Variants in RPL28 observed in about 807,000 individuals in gnomAD.
RPL28 encodes ribosomal protein L28, also known as large ribosomal subunit protein eL28.
Under a neutral mutation model 12.5 loss-of-function variants are expected in RPL28, and 4 were observed. That is an observed-to-expected ratio of 0.32 (90% CI 0.16 to 0.73). The LOEUF (loss-of-function observed/expected upper bound fraction) is 0.73, where lower values mean the gene tolerates loss of function less well. RPL28 is among the 30% of genes least tolerant of loss of function. The probability of loss-of-function intolerance (pLI) is 0.66; values close to 1 mark genes in which losing one functional copy is unlikely to be tolerated. For synonymous variants in RPL28, 91 were observed against 72.5 expected, an observed-to-expected ratio of 1.26 and a Z score of -1.30; for missense variants, 214 against 197.7, an observed-to-expected ratio of 1.08 and a Z score of -0.49.
intron 3 of RPL28, chr19:55,387,071 C>T (rs1028457596): frequency 1.4e-6 from 2 of 1,422,728 alleles, no homozygotes; most frequent in African/African-American, 1.4e-5. Flanking sequence ...CGCTACCACA[C>T]TTAGGAGGGG....
rs2090055321 is a variant in RPL28 at position 55,401,241 on chromosome 19, G to A, written c.325-1702G>A. On this transcript the variant is annotated intron_variant, in intron 4 of 4. Transcript: ENST00000560055. ...GGAGCCAAACTCCCAGAGCCACATGGCACCATGCAGCGGTCCTGGGGCATC... is the reference window on the plus strand; with the variant it reads ...GGAGCCAAACTCCCAGAGCCACATGACACCATGCAGCGGTCCTGGGGCATC... The A allele has an allele frequency of 1.2e-5, 8 of 673,212 alleles. No individual in the cohort carries two copies. In the Middle Eastern group the frequency reaches 1.6e-3, roughly 139 times the overall value. The allele number at this position is 673,212 out of a possible 1,614,324, so 41.7% of individuals were successfully genotyped here. A position where few individuals can be genotyped will look rare whatever the true frequency, so the allele number is the denominator to read the frequency against.
chr19:55,401,480 C>T (rs2090057565), intron 4 of RPL28: 11 of 1,608,284 alleles, frequency 6.8e-6, no homozygotes, highest in Non-Finnish European at 8.5e-6. Flanking sequence ...TTTTTCTTGG[C>T]CGCCAGCTTC....
At chr19:55,398,542 T>C (rs12985701) in intron 4 of RPL28, among the ~76,000 whole-genome samples, 15,093 of 152,256 alleles carry the variant, frequency 0.099, 1,172 homozygotes, top group African/African-American at 0.2. Flanking sequence ...CATTTGCATT[T>C]TTCCAGTTAC....
chr19:55,393,321 C>T (rs946748615), downstream of RPL28, among the ~76,000 whole-genome samples: 3 of 146,324 alleles, frequency 2.1e-5, no homozygotes, highest in Non-Finnish European at 4.5e-5. Context: ...CGGGATCTGG[C>T]CCTGTCCAGT....
intron 3 of RPL28, chr19:55,387,169 T>A: frequency 7.8e-7 from 1 of 1,290,304 alleles, no homozygotes; most frequent in Non-Finnish European, 1.1e-6. Flanking sequence ...CCATACATTG[T>A]GCTGTCAGGT....
chr19:55,387,673 A>T, intron 3 of RPL28: 1 of 1,389,666 alleles, frequency 7.2e-7, no homozygotes, highest in Non-Finnish European at 9.3e-7. Flanking sequence ...GCTTTCTGGC[A>T]TGAGAAAGGA....
In RPL28 at chr19:55,391,068, C is replaced by T; in HGVS notation, c.*2736C>T. 1 of 620,252 alleles carries T rather than the reference C, an allele frequency of 1.6e-6. No homozygotes were observed. 38.4% of individuals were successfully genotyped at this position (620,252 alleles called of 1,614,324 possible). On this transcript the variant is annotated 3_prime_UTR_variant, in exon 5 of 5. Coordinates refer to ENST00000344063, the MANE Select transcript of RPL28 (RefSeq NM_000991.5). ...GGAGAACAAAAGAAAAGCGTCTTGTCACATACAGAAGGTCCCTGATAAAGT... is the reference window on the plus strand; with the variant it reads ...GGAGAACAAAAGAAAAGCGTCTTGTTACATACAGAAGGTCCCTGATAAAGT...
At chr19:55,387,842 C>G (rs1453394291) in intron 3 of RPL28, 88 bp from the exon 4 acceptor site, 2 of 1,488,666 alleles carry the variant, frequency 1.3e-6, no homozygotes, top group African/African-American at 2.8e-5. Flanking sequence ...TGCTCAGCTT[C>G]TCAATGTGAG....
chr19:55,387,684 G>A (rs2123278207), intron 3 of RPL28: 2 of 1,395,932 alleles, frequency 1.4e-6, no homozygotes, highest in East Asian at 2.6e-5. Context: ...TGAGAAAGGA[G>A]TGTTTTCATG....
chr19:55,387,578 C>A (rs750138321), intron 3 of RPL28: 14 of 1,417,702 alleles, frequency 9.9e-6, no homozygotes, highest in Non-Finnish European at 1.3e-5. Flanking sequence ...GGGGATGGGC[C>A]TGGGGTTCCT....
At chr19:55,386,762 G>A in intron 3 of RPL28, 69 bp downstream of exon 3, 2 of 1,612,116 alleles carry the variant, frequency 1.2e-6, no homozygotes, top group Non-Finnish European at 1.7e-6. Flanking sequence ...ATTTTTTACT[G>A]TCAGGCAGGA....
chr19:55,386,226 A>G, intron 1 of RPL28, 124 bp from the exon 2 acceptor site: 1 of 850,544 alleles, frequency 1.2e-6, no homozygotes, highest in Non-Finnish European at 1.9e-6. Flanking sequence ...GTCTGCCCTC[A>G]GGGGTCTCCC....
downstream of RPL28, chr19:55,403,281 G>A (rs1181333133): frequency 5.3e-6 from 3 of 570,686 alleles, no homozygotes; most frequent in Admixed American, 3.2e-5. Flanking sequence ...TGTAAGCTCA[G>A]CTTTAGCAAA....
Position 55,389,193 on chromosome 19 carries a change from A to G in RPL28, c.*861A>G. 1.0e-6 allele frequency: 1 copy of G among 968,498 alleles called. No individual in the cohort carries two copies. Among genetic ancestry groups the G allele is most frequent in the South Asian group, 4.8e-5 (1 of 20,934 alleles). 60.0% of individuals were successfully genotyped at this position (968,498 alleles called of 1,614,324 possible). On this transcript the variant is annotated 3_prime_UTR_variant, in exon 5 of 5. Coordinates refer to ENST00000344063, the MANE Select transcript of RPL28 (RefSeq NM_000991.5). ...CAACATAATGAGACACCGTCTCTAA[A>G]ATAAAATTAGCTGGGTGTGGTGGTG...
downstream of RPL28, among the ~76,000 whole-genome samples, chr19:55,392,561 C>G (rs1375579981): frequency 6.9e-6 from 1 of 145,316 alleles, no homozygotes; most frequent in Non-Finnish European, 1.5e-5. Flanking sequence ...GAGGCGGAGT[C>G]ACGCTTTGTT....
At position 55,392,046 on chromosome 19, in the gene RPL28, C is replaced by T; in HGVS notation, c.*3714C>T. ...GAATGGTATCAATTCCCCTGTTTCT[C>T]TTGTAGCCAGTTACTAGAATAAAAT... is the stretch of plus-strand genomic sequence containing the variant. On this transcript the variant is annotated 3_prime_UTR_variant, in exon 5 of 5. Transcript: ENST00000344063. 1 of 1,046,960 alleles carries T rather than the reference C, an allele frequency of 9.6e-7. No individual in the cohort carries two copies. Among genetic ancestry groups the T allele is most frequent in the Non-Finnish European group, 1.1e-6 (1 of 870,164 alleles). The allele number at this position is 1,046,960 out of a possible 1,614,324, so 64.9% of individuals were successfully genotyped here. A position where few individuals can be genotyped will look rare whatever the true frequency, so the allele number is the denominator to read the frequency against.
chr19:55,391,791 AT>A lies in RPL28; in HGVS notation c.*3460del. On this transcript the variant is annotated 3_prime_UTR_variant, in exon 5 of 5. Coordinates refer to ENST00000344063, the MANE Select transcript of RPL28 (RefSeq NM_000991.5). ...ATAAATATTTTGATCAGATGGACTCATGATCACAGATGTCTTCACATGCCTA... is the reference window on the plus strand; with the variant it reads ...ATAAATATTTTGATCAGATGGACTCAGATCACAGATGTCTTCACATGCCTA... The A allele has an allele frequency of 1.5e-6, 2 of 1,305,116 alleles. No individual in the cohort carries two copies. The highest frequency in any genetic ancestry group is 2.0e-6 in the Non-Finnish European group (2 of 1,022,994). 80.8% of individuals were successfully genotyped at this position (1,305,116 alleles called of 1,614,324 possible).
chr19:55,396,770 CA>C (rs1426018830), downstream of RPL28, among the ~76,000 whole-genome samples: 1 of 148,854 alleles, frequency 6.7e-6, no homozygotes, highest in Non-Finnish European at 1.5e-5. Flanking sequence ...TTAGTAGAGA[CA>C]GGGTTTCACC....
At chr19:55,395,996 G>T (rs753199912), downstream of RPL28, among the ~76,000 whole-genome samples, 7 of 152,032 alleles carry the variant, frequency 4.6e-5, no homozygotes, top group Non-Finnish European at 1.0e-4. Context: ...AGTAACCTTT[G>T]TCTGAGCGCG....
Sources: gnomAD v4.1 joint callset for allele counts (sites outside exome capture counted in the v4.1 genomes callset) on GRCh38, gnomAD v4.1.1 for gene constraint, MANE v1.5 for transcripts, NCBI Gene and HGNC (gene_info 2026-07-23, HGNC 2026-07-21) for gene names.